CDH6: variants seen among roughly 807,000 people sequenced by gnomAD.
The protein encoded by CDH6 is cadherin-6.
CDH6 carries 31 observed loss-of-function variants against 78.0 expected under a neutral mutation model. The ratio of observed to expected loss-of-function variants is 0.40; its 90% CI spans 0.30 to 0.54. The LOEUF (loss-of-function observed/expected upper bound fraction) is 0.54. Ranked by LOEUF, CDH6 falls within the 20% of genes least tolerant of loss-of-function variation. The pLI is 0.56. For synonymous variants in CDH6, 376 were observed against 368.8 expected, an observed-to-expected ratio of 1.02 and a Z score of -0.23; for missense variants, 724 against 975.9, an observed-to-expected ratio of 0.74 and a Z score of 3.44.
At chr5:31,322,261 G>T (rs374212225) in intron 11 of CDH6, among the ~76,000 whole-genome samples, 4 of 151,580 alleles carry the variant, frequency 2.6e-5, no homozygotes, top group East Asian at 1.9e-4. Context: ...GAATAATATT[G>T]CTTTATATGT....
At chr5:31,266,423 C>T (rs1742356163) in intron 1 of CDH6, among the ~76,000 whole-genome samples, 1 of 152,088 alleles carries the variant, frequency 6.6e-6, no homozygotes, top group Non-Finnish European at 1.5e-5. Context: ...AACTGTGCAA[C>T]TGTAATTTTT....
In CDH6 at chr5:31,298,771, A is replaced by C. The variant is rs1737675724; in HGVS notation, c.644-693A>C. Among the ~76,000 whole-genome samples the C allele has an allele frequency of 2.0e-5, 3 of 152,154 alleles. No homozygotes were observed. In the South Asian group the frequency reaches 6.2e-4, roughly 31 times the overall value. On this transcript the variant is annotated intron_variant, in intron 4 of 11. Transcript: ENST00000265071. ...ACAGAGATAAATTTAACCTAACTTA[A>C]AAATTTTGGTTGTCATTGGGGCCAG...
intron 1 of CDH6, among the ~76,000 whole-genome samples, chr5:31,264,926 G>A (rs934556422): frequency 1.3e-5 from 2 of 152,184 alleles, no homozygotes; most frequent in Non-Finnish European, 2.9e-5. Context: ...AGCTTGTAGA[G>A]TTTGCACACA....
intron 2 of CDH6, among the ~76,000 whole-genome samples, chr5:31,291,334 A>G (rs1743157829): frequency 6.6e-6 from 1 of 152,210 alleles, no homozygotes; most frequent in Non-Finnish European, 1.5e-5. Flanking sequence ...ATTATAAACT[A>G]AGAGTTAATA....
At chr5:31,246,976 C>T (rs1197839055) in intron 1 of CDH6, among the ~76,000 whole-genome samples, 1 of 152,142 alleles carries the variant, frequency 6.6e-6, no homozygotes, top group East Asian at 1.9e-4. Flanking sequence ...GTCTTGAACT[C>T]CTGACCTCAG....
At position 31,243,773 on chromosome 5, in the gene CDH6, G is replaced by T. The variant is rs1387549236; in HGVS notation, c.-128-23573G>T. Among the ~76,000 whole-genome samples the T allele has an allele frequency of 2.0e-5, 3 of 152,174 alleles. No homozygotes were observed. In the East Asian group the frequency reaches 5.8e-4, roughly 29 times the overall value. ...AAACACAGCTCATGCTAAAACAGGA[G>T]TCCCTGCTACTTTCTTTAAAGCAAA... On this transcript the variant is annotated intron_variant, in intron 1 of 11. Transcript: ENST00000265071.
chr5:31,211,359 C>T (rs1486031299), intron 1 of CDH6, among the ~76,000 whole-genome samples: 2 of 151,024 alleles, frequency 1.3e-5, no homozygotes, highest in Non-Finnish European at 2.9e-5. Flanking sequence ...AAGTTTTTGC[C>T]TTTAGCTCTT....
chr5:31,216,556 C>T (rs1292015832), intron 1 of CDH6, among the ~76,000 whole-genome samples: 1 of 151,176 alleles, frequency 6.6e-6, no homozygotes, highest in African/African-American at 2.4e-5. Flanking sequence ...ATAGTTGCAA[C>T]AGAGATGTGT....
intron 7 of CDH6, among the ~76,000 whole-genome samples, chr5:31,308,163 C>T (rs1738043752): frequency 6.6e-6 from 1 of 152,018 alleles, no homozygotes; most frequent in South Asian, 2.1e-4. Flanking sequence ...GAAAAATTAA[C>T]ACTAGAAAAT....
chr5:31,262,558 C>G (rs185607446), intron 1 of CDH6, among the ~76,000 whole-genome samples: 1 of 152,292 alleles, frequency 6.6e-6, no homozygotes, highest in East Asian at 1.9e-4. Context: ...TTAGGTAGTT[C>G]ACGTTTTATT....
chr5:31,206,793 A>G (rs746279094), intron 1 of CDH6, among the ~76,000 whole-genome samples: 16 of 152,224 alleles, frequency 1.1e-4, no homozygotes, highest in Non-Finnish European at 2.4e-4. Flanking sequence ...TAATACAGAA[A>G]TTAGCTTTGA....
Position 31,324,474 on chromosome 5 carries a change from T to A in CDH6, c.*1166T>A, listed in dbSNP as rs1286902283. ...ATTTGGATAAACAACATTGAGATTA[T>A]GATGAAAACCTACATATTCCATGTT... is the stretch of plus-strand genomic sequence containing the variant. On this transcript the variant is annotated 3_prime_UTR_variant, in exon 12 of 12. Transcript: ENST00000265071. The A allele has an allele frequency of 4.7e-6, 1 of 213,806 alleles. No homozygotes were observed. Among genetic ancestry groups the A allele is most frequent in the African/African-American group, 2.3e-5 (1 of 44,250 alleles). 13.2% of individuals were successfully genotyped at this position (213,806 alleles called of 1,614,324 possible). A position where few individuals can be genotyped will look rare whatever the true frequency, so the allele number is the denominator to read the frequency against.
At chr5:31,257,902 A>G (rs1579857829) in intron 1 of CDH6, among the ~76,000 whole-genome samples, 1 of 152,230 alleles carries the variant, frequency 6.6e-6, no homozygotes, top group Admixed American at 6.5e-5. Flanking sequence ...ACAGCTAAGA[A>G]GGAGCCTCTA....
intron 9 of CDH6, 74 bp downstream of exon 9, chr5:31,316,403 A>G (rs1009770089): frequency 1.5e-6 from 2 of 1,325,512 alleles, no homozygotes; most frequent in South Asian, 1.4e-5. Context: ...CAGATGATTC[A>G]CAGAGCTGAA....
chr5:31,213,771 C>T (rs1398745359), intron 1 of CDH6, among the ~76,000 whole-genome samples: 2 of 152,108 alleles, frequency 1.3e-5, no homozygotes, highest in Non-Finnish European at 2.9e-5. Flanking sequence ...CCCTCTTCCC[C>T]TCACCCTCCC....
chr5:31,245,247 C>A (rs1741712671), intron 1 of CDH6, among the ~76,000 whole-genome samples: 1 of 152,138 alleles, frequency 6.6e-6, no homozygotes, highest in Non-Finnish European at 1.5e-5. Flanking sequence ...AGTCATGGAC[C>A]CTGGAACAAG....
chr5:31,321,291 A>T (rs1277043883), intron 11 of CDH6, among the ~76,000 whole-genome samples: 1 of 152,162 alleles, frequency 6.6e-6, no homozygotes, highest in African/African-American at 2.4e-5. Flanking sequence ...ACTTTCTGGC[A>T]GCAAAAGAGG....
chr5:31,222,032 C>T (rs550789635), intron 1 of CDH6, among the ~76,000 whole-genome samples: 1 of 152,190 alleles, frequency 6.6e-6, no homozygotes, highest in African/African-American at 2.4e-5. Flanking sequence ...CTTTCTCTAC[C>T]CACTAACATT....
intron 1 of CDH6, among the ~76,000 whole-genome samples, chr5:31,265,638 A>G (rs1021962186): frequency 7.9e-5 from 12 of 152,084 alleles, no homozygotes; most frequent in African/African-American, 2.7e-4. Context: ...AAAAATACTA[A>G]TCAGATTACC....
Sources: gnomAD v4.1 joint callset for allele counts (sites outside exome capture counted in the v4.1 genomes callset) on GRCh38, gnomAD v4.1.1 for gene constraint, MANE v1.5 for transcripts, NCBI Gene and HGNC (gene_info 2026-07-23, HGNC 2026-07-21) for gene names.